LINGO2: variants seen among roughly 807,000 people sequenced by gnomAD.
LINGO2 encodes leucine-rich repeat and immunoglobulin-like domain-containing nogo receptor-interacting protein 2.
A neutral mutation model predicts 30.6 loss-of-function variants in LINGO2; 14 were observed. That is an observed-to-expected ratio of 0.46 (90% confidence interval 0.30 to 0.72). The LOEUF (loss-of-function observed/expected upper bound fraction) is 0.72, where lower values mean the gene tolerates loss of function less well. Ranked by LOEUF, LINGO2 falls within the 30% of genes least tolerant of loss-of-function variation. LINGO2 has a pLI of 0.07. For synonymous variants in LINGO2, 317 were observed against 288.5 expected (o/e 1.10, Z -1.00); for missense variants, 729 against 751.7 (o/e 0.97, Z 0.35).
chr9:28,424,312 G>C (rs1421304903), intron 2 of LINGO2, among the ~76,000 whole-genome samples: 3 of 152,092 alleles, frequency 2.0e-5, no homozygotes, highest in Non-Finnish European at 4.4e-5. Context: ...AGGCCTTTCA[G>C]CTTCTACTCT....
At chr9:28,997,564 C>G in the LINGO2 span, among the ~76,000 whole-genome samples, 2 of 152,162 alleles carry the variant, frequency 1.3e-5, no homozygotes, top group East Asian at 1.9e-4. Flanking sequence ...TGGCTCATGC[C>G]TGTAATCCCA....
At chr9:28,135,157 A>T (rs894883706) in intron 4 of LINGO2, among the ~76,000 whole-genome samples, 20 of 152,246 alleles carry the variant, frequency 1.3e-4, no homozygotes, top group Non-Finnish European at 2.9e-4. Flanking sequence ...CAAGAAAAAA[A>T]TCACAATGAG....
At chr9:28,499,884 T>C (rs970788861) in intron 1 of LINGO2, among the ~76,000 whole-genome samples, 28 of 152,138 alleles carry the variant, frequency 1.8e-4, no homozygotes, top group Admixed American at 1.8e-3. Context: ...CCCCACTGGA[T>C]GCCATAGTTG....
chr9:28,590,469 C>A (rs1320469592), intron 1 of LINGO2, among the ~76,000 whole-genome samples: 1 of 151,508 alleles, frequency 6.6e-6, no homozygotes, highest in Admixed American at 6.6e-5. Context: ...GAAAAAAAAA[C>A]AGACAACCCC....
At chr9:28,977,765 GACTCTGAGGA>G in the LINGO2 span, among the ~76,000 whole-genome samples, 5 of 152,140 alleles carry the variant, frequency 3.3e-5, no homozygotes, top group Admixed American at 3.3e-4. Flanking sequence ...ACCACACCTG[GACTCTGAGGA>G]TTTTAAATTC....
chr9:28,355,683 G>A (rs1313418234), intron 3 of LINGO2, among the ~76,000 whole-genome samples: 1 of 152,036 alleles, frequency 6.6e-6, no homozygotes, highest in African/African-American at 2.4e-5. Flanking sequence ...TGATCAGCAG[G>A]CTCCAGGAGG....
At chr9:28,951,555 G>A in the LINGO2 span, among the ~76,000 whole-genome samples, 1 of 152,038 alleles carries the variant, frequency 6.6e-6, no homozygotes, top group Non-Finnish European at 1.5e-5. Flanking sequence ...CCTGACAGAG[G>A]TGCCACCCCC....
the LINGO2 span, among the ~76,000 whole-genome samples, chr9:28,803,835 G>C: frequency 6.6e-6 from 1 of 151,978 alleles, no homozygotes; most frequent in African/African-American, 2.4e-5. Flanking sequence ...GATAAAATCA[G>C]TGTTAACTAA....
the LINGO2 span, among the ~76,000 whole-genome samples, chr9:29,077,262 A>C: frequency 1.0e-5 from 1 of 97,812 alleles, no homozygotes; most frequent in Non-Finnish European, 2.2e-5. Context: ...CTATACTTTA[A>C]AAAAAAAGAA....
intron 1 of LINGO2, among the ~76,000 whole-genome samples, chr9:28,624,678 T>G (rs988716943): frequency 6.6e-6 from 1 of 151,772 alleles, no homozygotes; most frequent in African/African-American, 2.4e-5. Flanking sequence ...AGGGTAGTAT[T>G]GGCCTTGTAG....
intron 4 of LINGO2, among the ~76,000 whole-genome samples, chr9:28,207,010 T>C (rs1820431160): frequency 6.6e-6 from 1 of 152,206 alleles, no homozygotes; most frequent in South Asian, 2.1e-4. Flanking sequence ...TAAATATTTC[T>C]CTTATTTATT....
the LINGO2 span, among the ~76,000 whole-genome samples, chr9:28,714,094 G>A: frequency 6.6e-6 from 1 of 151,040 alleles, no homozygotes; most frequent in African/African-American, 2.4e-5. Flanking sequence ...GGGAGGTGGA[G>A]GTTGCAGTGA....
the LINGO2 span, among the ~76,000 whole-genome samples, chr9:29,057,388 A>G: frequency 6.6e-6 from 1 of 152,200 alleles, no homozygotes; most frequent in Admixed American, 6.5e-5. Flanking sequence ...CAATAAATAA[A>G]AAAATAGGCA....
chr9:28,234,724 T>C (rs991774735), intron 4 of LINGO2, among the ~76,000 whole-genome samples: 1 of 149,320 alleles, frequency 6.7e-6, no homozygotes, highest in African/African-American at 2.6e-5. Flanking sequence ...TCTTGTGCCT[T>C]TGGCCACAGA....
At chr9:28,185,437 G>T (rs1306317195) in intron 4 of LINGO2, among the ~76,000 whole-genome samples, 1 of 151,526 alleles carries the variant, frequency 6.6e-6, no homozygotes, top group Non-Finnish European at 1.5e-5. Context: ...CAGGTAAATG[G>T]TAAAAAAAAA....
the LINGO2 span, among the ~76,000 whole-genome samples, chr9:29,102,205 C>T: frequency 1.3e-5 from 2 of 152,008 alleles, no homozygotes; most frequent in Non-Finnish European, 2.9e-5. Flanking sequence ...CCTCAGCCTC[C>T]CGAGTAGCTG....
At chr9:29,047,009 C>CTGCAT in the LINGO2 span, among the ~76,000 whole-genome samples, 1 of 2,270 alleles carries the variant, frequency 4.4e-4, no homozygotes, top group East Asian at 0.029. Flanking sequence ...AATCCGGGCA[C>CTGCAT]TCCACCCTGG....
the LINGO2 span, among the ~76,000 whole-genome samples, chr9:28,684,218 T>C: frequency 2.9e-5 from 4 of 136,386 alleles, no homozygotes; most frequent in East Asian, 9.6e-4. Flanking sequence ...GATGGAGTCT[T>C]TCTCTGTCGC....
At chr9:28,758,843 C>A in the LINGO2 span, among the ~76,000 whole-genome samples, 46 of 152,200 alleles carry the variant, frequency 3.0e-4, 1 homozygote, top group African/African-American at 1.1e-3. Context: ...CGATAACTTA[C>A]TGGATCCATT....
Sources: gnomAD v4.1 joint callset for allele counts (sites outside exome capture counted in the v4.1 genomes callset) on GRCh38, gnomAD v4.1.1 for gene constraint, MANE v1.5 for transcripts, NCBI Gene and HGNC (gene_info 2026-07-23, HGNC 2026-07-21) for gene names.